The following PARD3 variants were observed in gnomAD, a reference collection of about 807,000 sequenced individuals.
PARD3 encodes par-3 family cell polarity regulator, also known as partitioning defective 3 homolog.
In PARD3, 75 loss-of-function variants were observed where a neutral mutation model predicts 155.4. The observed-to-expected ratio is 0.48, with a 90% CI of 0.40 to 0.58. The LOEUF (loss-of-function observed/expected upper bound fraction) is 0.58, where lower values mean the gene tolerates loss of function less well. Ranked by LOEUF, PARD3 falls within the 20% of genes least tolerant of loss-of-function variation. The pLI, the probability that PARD3 is intolerant of heterozygous loss-of-function variation, is 0.00. For synonymous variants in PARD3, 576 were observed against 610.5 expected (o/e 0.94, Z 0.83); for missense variants, 1,642 against 1,721.7 (o/e 0.95, Z 0.82).
intron 22 of PARD3, among the ~76,000 whole-genome samples, chr10:34,246,604 A>G (rs1953963999): frequency 6.6e-6 from 1 of 152,138 alleles, no homozygotes; most frequent in Non-Finnish European, 1.5e-5. Flanking sequence ...GGCCCTCTTC[A>G]GTCTTTGATT....
chr10:34,240,575 C>T (rs1953518241), intron 22 of PARD3, among the ~76,000 whole-genome samples: 2 of 152,098 alleles, frequency 1.3e-5, no homozygotes, highest in Non-Finnish European at 2.9e-5. Flanking sequence ...CTTTGACAGA[C>T]AGGCTTTTAA....
intron 2 of PARD3, among the ~76,000 whole-genome samples, chr10:34,604,814 G>C (rs938314412): frequency 2.1e-4 from 32 of 151,850 alleles, no homozygotes; most frequent in African/African-American, 7.5e-4. Context: ...CAAAGTCACT[G>C]ATAAATTTGC....
At chr10:34,390,663 A>G (rs567229882) in intron 7 of PARD3, among the ~76,000 whole-genome samples, 2 of 152,294 alleles carry the variant, frequency 1.3e-5, no homozygotes, top group African/African-American at 2.4e-5. Context: ...CGAGGACAAC[A>G]TAAGGTCAAG....
At chr10:34,489,346 G>A (rs1395190320) in intron 3 of PARD3, among the ~76,000 whole-genome samples, 12 of 152,150 alleles carry the variant, frequency 7.9e-5, no homozygotes, top group Non-Finnish European at 1.6e-4. Flanking sequence ...CACAGACTAC[G>A]CCACGAAGAG....
chr10:34,388,448 T>C (rs921745455), intron 7 of PARD3, among the ~76,000 whole-genome samples: 2 of 152,302 alleles, frequency 1.3e-5, no homozygotes, highest in East Asian at 3.9e-4. Flanking sequence ...GAAGAGACAC[T>C]TTCCTGAAAA....
intron 2 of PARD3, among the ~76,000 whole-genome samples, chr10:34,601,268 GAA>G (rs61230086): frequency 5.6e-4 from 69 of 123,118 alleles, no homozygotes; most frequent in South Asian, 7.8e-4. Flanking sequence ...TCTCTACAAA[GAA>G]AAAAAAAAAA....
chr10:34,635,690 C>T (rs2092444979), intron 2 of PARD3, among the ~76,000 whole-genome samples: 1 of 152,120 alleles, frequency 6.6e-6, no homozygotes, highest in African/African-American at 2.4e-5. Flanking sequence ...TTCTTCTTTG[C>T]TATTCATTCA....
intron 1 of PARD3, among the ~76,000 whole-genome samples, chr10:34,795,544 T>G (rs1257609806): frequency 6.6e-6 from 1 of 151,938 alleles, no homozygotes; most frequent in Non-Finnish European, 1.5e-5. Context: ...CCCAGCATTT[T>G]GAGGCTGTAG....
At chr10:34,771,034 G>C (rs1427901115) in intron 1 of PARD3, among the ~76,000 whole-genome samples, 2 of 152,124 alleles carry the variant, frequency 1.3e-5, no homozygotes, top group African/African-American at 4.8e-5. Context: ...AGACATAAAA[G>C]GGAAAGACGG....
intron 5 of PARD3, among the ~76,000 whole-genome samples, chr10:34,423,975 C>T (rs2075454167): frequency 6.6e-6 from 1 of 152,060 alleles, no homozygotes; most frequent in African/African-American, 2.4e-5. Context: ...ATAGGAAGTC[C>T]CCAAGCAATA....
chr10:34,337,999 T>A (rs1201417787), intron 16 of PARD3, among the ~76,000 whole-genome samples: 2 of 152,270 alleles, frequency 1.3e-5, no homozygotes. Flanking sequence ...TATTAGAACC[T>A]ATTCTGATTA....
intron 2 of PARD3, among the ~76,000 whole-genome samples, chr10:34,680,593 A>G (rs937727287): frequency 9.3e-5 from 14 of 149,878 alleles, no homozygotes; most frequent in African/African-American, 3.4e-4. Context: ...AAGGGGAATG[A>G]GAAGCGGGAG....
At chr10:34,187,631 A>G (rs1564466198) in intron 22 of PARD3, among the ~76,000 whole-genome samples, 1 of 152,230 alleles carries the variant, frequency 6.6e-6, no homozygotes, top group Non-Finnish European at 1.5e-5. Context: ...TTTAGCCCCT[A>G]AAATGTTTTA....
intron 2 of PARD3, among the ~76,000 whole-genome samples, chr10:34,551,532 G>C (rs1281848609): frequency 6.6e-6 from 1 of 152,180 alleles, no homozygotes. Flanking sequence ...TGGGCTGGAG[G>C]TTTATGGAGA....
chr10:34,490,611 T>C (rs1051202685), intron 3 of PARD3, among the ~76,000 whole-genome samples: 1 of 152,184 alleles, frequency 6.6e-6, no homozygotes, highest in East Asian at 1.9e-4. Context: ...TAGTCTTGTG[T>C]ATTTTCACCA....
At chr10:34,492,178 T>C (rs2079957093) in intron 3 of PARD3, among the ~76,000 whole-genome samples, 1 of 152,198 alleles carries the variant, frequency 6.6e-6, no homozygotes, top group Non-Finnish European at 1.5e-5. Context: ...CTAATATGCC[T>C]CGTTAGTTTT....
At chr10:34,516,936 T>C (rs773439622) in intron 3 of PARD3, 43 bp downstream of exon 3, 3 of 1,568,536 alleles carry the variant, frequency 1.9e-6, no homozygotes, top group South Asian at 2.3e-5. Flanking sequence ...GGTATTCCTG[T>C]AAATTAAGAT....
chr10:34,724,046 G>C (rs979634493), intron 1 of PARD3, among the ~76,000 whole-genome samples: 1 of 152,198 alleles, frequency 6.6e-6, no homozygotes, highest in Admixed American at 6.5e-5. Flanking sequence ...AGGGAAACAG[G>C]AGTGCACATC....
chr10:34,441,741 T>C (rs1390320204), intron 5 of PARD3, among the ~76,000 whole-genome samples: 1 of 152,222 alleles, frequency 6.6e-6, no homozygotes, highest in Non-Finnish European at 1.5e-5. Flanking sequence ...GTAGGGATCA[T>C]GGAAAATAAT....
Sources: gnomAD v4.1 joint callset for allele counts (sites outside exome capture counted in the v4.1 genomes callset) on GRCh38, gnomAD v4.1.1 for gene constraint, MANE v1.5 for transcripts, NCBI Gene and HGNC (gene_info 2026-07-23, HGNC 2026-07-21) for gene names.